Variants in ATP2B2 observed in about 807,000 individuals in gnomAD.
The protein encoded by ATP2B2 is ATPase plasma membrane Ca2+ transporting 2.
Under a neutral mutation model 120.0 loss-of-function variants are expected in ATP2B2, and 15 were observed. That is an observed-to-expected ratio of 0.12 (90% CI 0.08 to 0.19). The LOEUF (loss-of-function observed/expected upper bound fraction) is 0.19, where lower values mean the gene tolerates loss of function less well. Among genes scored for constraint, ATP2B2 ranks in the 10% least tolerant of loss-of-function variants. The pLI, the probability that ATP2B2 is intolerant of heterozygous loss-of-function variation, is 1.00. For synonymous variants in ATP2B2, 694 were observed against 700.3 expected (o/e 0.99, Z 0.14); for missense variants, 1,045 against 1,719.8 (o/e 0.61, Z 6.94).
chr3:10,655,978 A>G (rs2070616016), intron 1 of ATP2B2, among the ~76,000 whole-genome samples: 1 of 152,238 alleles, frequency 6.6e-6, no homozygotes, highest in South Asian at 2.1e-4. Flanking sequence ...CTCTTGGAGA[A>G]CATAGCTGAG....
chr3:10,690,618 G>A (rs2071640921), intron 1 of ATP2B2, among the ~76,000 whole-genome samples: 1 of 152,162 alleles, frequency 6.6e-6, no homozygotes, highest in South Asian at 2.1e-4. Flanking sequence ...ACGGCATGAG[G>A]CAGATGCATA....
chr3:10,541,790 T>C (rs1377066081), intron 2 of ATP2B2, among the ~76,000 whole-genome samples: 2 of 152,194 alleles, frequency 1.3e-5, no homozygotes, highest in African/African-American at 2.4e-5. Flanking sequence ...TATTGGCTCA[T>C]GGTGTTGTTA....
chr3:10,498,118 T>A (rs1297868386), intron 1 of ATP2B2, among the ~76,000 whole-genome samples: 1 of 152,240 alleles, frequency 6.6e-6, no homozygotes, highest in Non-Finnish European at 1.5e-5. Flanking sequence ...TTCAGAAATG[T>A]CAAAATGTAT....
chr3:10,342,651 A>T lies in ATP2B2; in HGVS notation c.2917+101T>A, dbSNP rs954062874. The T allele has an allele frequency of 9.9e-6, 14 of 1,417,888 alleles. No homozygotes were observed. The East Asian group carries it at 2.6e-4, about 27-fold the overall frequency. 87.8% of individuals were successfully genotyped at this position (1,417,888 alleles called of 1,614,324 possible). A position where few individuals can be genotyped will look rare whatever the true frequency, so the allele number is the denominator to read the frequency against. On this transcript the variant is annotated intron_variant, in intron 19 of 22. Coordinates refer to ENST00000360273, the MANE Select transcript of ATP2B2 (RefSeq NM_001001331.4). The surrounding 1 kb of genome is among the most constrained non-coding windows in gnomAD (Gnocchi z 4.4). Reference sequence around the variant, plus strand: ...GGGCCTCAATTTCCCCATTAGCAAAACAGGAGGGGGTTGTGACTCGAGAAT... The same window carrying T: ...GGGCCTCAATTTCCCCATTAGCAAATCAGGAGGGGGTTGTGACTCGAGAAT...
Position 10,512,464 on chromosome 3 carries a change from G to GCGCGCGCGCGCACACACACACACA in ATP2B2, c.-320+21574_-320+21575insTGTGTGTGTGTGTGCGCGCGCGCG, listed in dbSNP as rs749056818. On this transcript the variant is annotated intron_variant, in intron 3 of 21. Transcript: ENST00000646379. ...TATTCCTGGGTGCTAAAGTGTGTGCGCACACACACACACACACACACACAC... is the reference window on the plus strand; with the variant it reads ...TATTCCTGGGTGCTAAAGTGTGTGCGCGCGCGCGCGCACACACACACACACACACACACACACACACACACACAC... Among the ~76,000 whole-genome samples the GCGCGCGCGCGCACACACACACACA allele has an allele frequency of 5.8e-5, 8 of 137,026 alleles. No homozygotes were observed. In the East Asian group the frequency reaches 1.6e-3, roughly 27 times the overall value. 89.9% of individuals were successfully genotyped at this position (137,026 alleles called of 152,430 possible).
intron 2 of ATP2B2, among the ~76,000 whole-genome samples, chr3:10,572,971 A>G (rs1575510933): frequency 6.6e-6 from 1 of 152,166 alleles, no homozygotes; most frequent in East Asian, 1.9e-4. Context: ...CTAATCACTA[A>G]TGATGGAATT....
intron 1 of ATP2B2, among the ~76,000 whole-genome samples, chr3:10,676,039 ATC>A (rs1180922958): frequency 1.3e-5 from 2 of 152,154 alleles, no homozygotes; most frequent in Admixed American, 6.5e-5. Context: ...TGTATTTAAT[ATC>A]TGTCTCTTCC....
chr3:10,343,684 C>G lies in ATP2B2; in HGVS notation c.2704-719G>C, dbSNP rs536030175. On this transcript the variant is annotated intron_variant, in intron 18 of 22. Transcript: ENST00000360273. This position sits in a 1 kb window ranked among gnomAD's most constrained non-coding sequence, Gnocchi z 4.2. ...CTTGTCCACAGCAGCCAGACTTTGG[C>G]CCCTCCACGTTCCCAGAATGCCCTC... 3.9e-5 allele frequency among the ~76,000 whole-genome samples: 6 copies of G among 152,116 alleles called. No homozygotes were observed. The South Asian group carries it at 1.2e-3, about 32-fold the overall frequency.
chr3:10,378,554 T>C, intron 9 of ATP2B2, 144 bp from the exon 10 acceptor site: 1 of 1,127,486 alleles, frequency 8.9e-7, no homozygotes, highest in Non-Finnish European at 1.3e-6. Flanking sequence ...GCATGGCTGG[T>C]GCAGAAGTCC....
chr3:10,583,097 T>C (rs1269520796), intron 2 of ATP2B2, among the ~76,000 whole-genome samples: 1 of 152,238 alleles, frequency 6.6e-6, no homozygotes. Flanking sequence ...CTTGTGCATT[T>C]GTCATCACGA....
chr3:10,466,515 G>C (rs2064750013), intron 1 of ATP2B2, among the ~76,000 whole-genome samples: 1 of 152,146 alleles, frequency 6.6e-6, no homozygotes, highest in Admixed American at 6.5e-5. Context: ...TGGAGTGGGG[G>C]TCTTAGTGTC....
chr3:10,516,225 T>C (rs949901690), intron 3 of ATP2B2, among the ~76,000 whole-genome samples: 3 of 152,232 alleles, frequency 2.0e-5, no homozygotes, highest in African/African-American at 7.2e-5. Context: ...GCCTTTGACC[T>C]GTTCCTCCCT....
At chr3:10,478,138 A>G (rs1044531825) in intron 1 of ATP2B2, among the ~76,000 whole-genome samples, 3 of 152,052 alleles carry the variant, frequency 2.0e-5, no homozygotes, top group African/African-American at 7.3e-5. Context: ...GGTGCTGAGC[A>G]TTTTTCGCAT....
At chr3:10,471,131 G>A (rs1451232792) in intron 1 of ATP2B2, among the ~76,000 whole-genome samples, 1 of 152,232 alleles carries the variant, frequency 6.6e-6, no homozygotes, top group African/African-American at 2.4e-5. Flanking sequence ...TGCCCGGGAA[G>A]CACAGCAGCC....
intron 2 of ATP2B2, among the ~76,000 whole-genome samples, chr3:10,569,045 G>C (rs2068068946): frequency 6.6e-6 from 1 of 152,168 alleles, no homozygotes; most frequent in Non-Finnish European, 1.5e-5. Context: ...TTAACCCTGG[G>C]ACGTGGTATC....
chr3:10,451,967 G>C (rs369228266), intron 1 of ATP2B2, among the ~76,000 whole-genome samples: 4 of 152,278 alleles, frequency 2.6e-5, no homozygotes, highest in African/African-American at 7.2e-5. Flanking sequence ...ATTCTATAAG[G>C]GTTGACCAGA....
chr3:10,644,829 T>C (rs1372002018), intron 1 of ATP2B2, among the ~76,000 whole-genome samples: 3 of 152,238 alleles, frequency 2.0e-5, no homozygotes, highest in Non-Finnish European at 4.4e-5. Context: ...AAGTGGTGGC[T>C]GCACAACAAT....
In ATP2B2 at chr3:10,449,331, T is replaced by C. The variant is rs2063948174; in HGVS notation, c.199+14A>G. Reference sequence around the variant, plus strand: ...CCTAGGCTGCAGCCCTGGGTTCAAGTCTTGAACACTTACCTTCAACAGGTG... The same window carrying C: ...CCTAGGCTGCAGCCCTGGGTTCAAGCCTTGAACACTTACCTTCAACAGGTG... On this transcript the variant is annotated intron_variant, in intron 2 of 22. Coordinates refer to ENST00000360273, the MANE Select transcript of ATP2B2 (RefSeq NM_001001331.4). The C allele has an allele frequency of 6.2e-7, 1 of 1,614,092 alleles. No individual in the cohort carries two copies. Among genetic ancestry groups the C allele is most frequent in the East Asian group, 2.2e-5 (1 of 44,876 alleles).
intron 1 of ATP2B2, chr3:10,626,758 T>C (rs2069713208): frequency 6.6e-6 from 1 of 152,150 alleles, no homozygotes; most frequent in Non-Finnish European, 1.5e-5. Context: ...CCCTGTCCCA[T>C]TACCTACCCA....
Sources: gnomAD v4.1 joint callset for allele counts (sites outside exome capture counted in the v4.1 genomes callset) on GRCh38, gnomAD v4.1.1 for gene constraint, Gnocchi (gnomAD v3.1) non-coding constraint, MANE v1.5 for transcripts, NCBI Gene and HGNC (gene_info 2026-07-23, HGNC 2026-07-21) for gene names.